SC5D: variants seen among roughly 807,000 people sequenced by gnomAD.
SC5D encodes lathosterol oxidase.
A neutral mutation model predicts 23.9 loss-of-function variants in SC5D; 21 were observed. The observed-to-expected ratio is 0.88, with a 90% CI of 0.62 to 1.26. The LOEUF (loss-of-function observed/expected upper bound fraction) is 1.26. Ranked by LOEUF, SC5D falls within the 50% of genes most tolerant of loss-of-function variation. The pLI is 0.00. For synonymous variants in SC5D, 113 were observed against 125.9 expected (o/e 0.90, Z 0.68); for missense variants, 309 against 364.8 (o/e 0.85, Z 1.25).
At position 121,312,088 on chromosome 11, in the gene SC5D, T is replaced by A. The variant is rs183742147; in HGVS notation, c.*4576T>A. 8.5e-5 allele frequency among the ~76,000 whole-genome samples: 13 copies of A among 152,310 alleles called. No homozygotes were observed. In the East Asian group the frequency reaches 2.5e-3, roughly 29 times the overall value. ...AATTTCATTTAAAAAATGCATCACT[T>A]TGTGTGTTTTTATATTGCTAAAACC... On this transcript the variant is annotated 3_prime_UTR_variant, in exon 5 of 5. Transcript: ENST00000264027.
rs919724036 is a variant in SC5D at position 121,308,185 on chromosome 11, A to G, written c.*673A>G. The G allele has an allele frequency of 8.5e-5, 13 of 152,248 alleles. No homozygotes were observed. Among genetic ancestry groups the G allele is most frequent in the Admixed American group, 7.2e-4 (11 of 15,276 alleles). The allele number at this position is 152,248 out of a possible 1,614,324, so 9.4% of individuals were successfully genotyped here. ...AACAAATAAATTGGAATTTAAAAATATCGATATCACCATGATTTAATCCAG... is the reference window on the plus strand; with the variant it reads ...AACAAATAAATTGGAATTTAAAAATGTCGATATCACCATGATTTAATCCAG... On this transcript the variant is annotated 3_prime_UTR_variant, in exon 5 of 5. Transcript: ENST00000264027.
At position 121,308,330 on chromosome 11, in the gene SC5D, A is replaced by G. The variant is rs188603775; in HGVS notation, c.*818A>G. 6.6e-6 allele frequency: 1 copy of G among 152,244 alleles called. No individual in the cohort carries two copies. The highest frequency in any genetic ancestry group is 1.5e-5 in the Non-Finnish European group (1 of 68,030). 9.4% of individuals were successfully genotyped at this position (152,244 alleles called of 1,614,324 possible). A position where few individuals can be genotyped will look rare whatever the true frequency, so the allele number is the denominator to read the frequency against. ...AAGAAATTTGATGCCCAGATAATAT[A>G]TTAGGCACTACTGATTTTTTAGTTA... On this transcript the variant is annotated 3_prime_UTR_variant, in exon 5 of 5. Coordinates refer to ENST00000264027, the MANE Select transcript of SC5D (RefSeq NM_006918.5).
At chr11:121,303,665 G>T (rs897687424) in intron 2 of SC5D, 80 bp downstream of exon 2, 10 of 1,193,346 alleles carry the variant, frequency 8.4e-6, no homozygotes, top group Admixed American at 6.2e-5. Context: ...TTTAGATTAA[G>T]CTGATTATAT....
intron 1 of SC5D, among the ~76,000 whole-genome samples, chr11:121,298,640 T>C (rs1762796382): frequency 1.3e-5 from 2 of 152,226 alleles, no homozygotes; most frequent in Non-Finnish European, 2.9e-5. Context: ...TGCTGAACAT[T>C]AATCCTGATG....
chr11:121,300,694 G>C (rs1947920226), intron 1 of SC5D, among the ~76,000 whole-genome samples: 1 of 152,160 alleles, frequency 6.6e-6, no homozygotes, highest in African/African-American at 2.4e-5. Flanking sequence ...CCATGAGCAG[G>C]GCTGTTGCAC....
At chr11:121,296,237 A>G (rs776394579) in intron 1 of SC5D, among the ~76,000 whole-genome samples, 4 of 152,166 alleles carry the variant, frequency 2.6e-5, no homozygotes, top group Non-Finnish European at 4.4e-5. Flanking sequence ...TTTCCTACCT[A>G]GAAATCTTTA....
intron 2 of SC5D, 134 bp downstream of exon 2, chr11:121,303,719 A>G (rs1947942458): frequency 1.5e-6 from 1 of 667,920 alleles, no homozygotes; most frequent in East Asian, 2.7e-5. Context: ...CAAATGGGTT[A>G]GATATTTTCA....
Position 121,307,470 on chromosome 11 carries a change from G to C in SC5D, c.858G>C (p.Lys286Asn), listed in dbSNP as rs1230188994. ...KRSSHSGNGCKNEKLFNGEFT... is the reference protein window; with the variant it reads ...KRSSHSGNGCNNEKLFNGEFT... ...GCAGCCATTCAGGAAATGGCTGTAA[G>C]AATGAAAAATTATTCAATGGAGAGT... The change falls in exon 5 of 5, where the codon AAG becomes AAC. Residue 286 changes from lysine to asparagine, a missense_variant. Physicochemically the swap from Lys to Asn is moderately conservative, Grantham distance 94 (BLOSUM62 0). Transcript: ENST00000264027. 1 of 1,607,370 alleles carries C rather than the reference G, an allele frequency of 6.2e-7. No individual in the cohort carries two copies. Among genetic ancestry groups the C allele is most frequent in the East Asian group, 2.2e-5 (1 of 44,878 alleles).
chr11:121,304,232 A>G (rs1947945872), intron 2 of SC5D, 129 bp from the exon 3 acceptor site: 2 of 758,040 alleles, frequency 2.6e-6, no homozygotes, highest in African/African-American at 3.5e-5. Flanking sequence ...TAAAATTTTA[A>G]TAGAAACAGT....
rs1227813074 is a variant in SC5D, at chr11:121,310,256, G to T, written c.*2744G>T. 6.6e-6 allele frequency among the ~76,000 whole-genome samples: 1 copy of T among 152,132 alleles called. No individual in the cohort carries two copies. The highest frequency in any genetic ancestry group is 1.5e-5 in the Non-Finnish European group (1 of 67,994). ...ATGAGATTGTCACAGCATGAAAAAAGATATTCAAAGACACTAACCAACTTG... is the reference window on the plus strand; with the variant it reads ...ATGAGATTGTCACAGCATGAAAAAATATATTCAAAGACACTAACCAACTTG... On this transcript the variant is annotated 3_prime_UTR_variant, in exon 5 of 5. Transcript: ENST00000264027.
Position 121,304,477 on chromosome 11 carries a change from A to T in SC5D, c.327A>T (p.Leu109=), listed in dbSNP as rs373118996. 17 of 1,613,608 alleles carry T rather than the reference A, an allele frequency of 1.1e-5. No homozygotes were observed. Among genetic ancestry groups the T allele is most frequent in the African/African-American group, 8.0e-5 (6 of 75,010 alleles). ...IRGYSKLHDD[L]GEFPYGLFEL... is the part of the protein sequence containing the mutation. ...GTTACAGCAAATTACATGATGACCT[A>T]GGAGAGTTTCCATATGGTAAGTAAA... The change falls in exon 3 of 5, where the codon CTA becomes CTT. Residue 109 remains leucine (L), a synonymous_variant. Coordinates refer to ENST00000264027, the MANE Select transcript of SC5D (RefSeq NM_006918.5).
intron 4 of SC5D, 94 bp from the exon 5 acceptor site, chr11:121,306,963 T>C (rs1947970316): frequency 9.7e-7 from 1 of 1,033,806 alleles, no homozygotes; most frequent in African/African-American, 1.6e-5. Flanking sequence ...TCTACAGGAT[T>C]TGTTAGGTTG....
chr11:121,300,819 A>G (rs1314094642), intron 1 of SC5D, among the ~76,000 whole-genome samples: 1 of 152,242 alleles, frequency 6.6e-6, no homozygotes, highest in East Asian at 1.9e-4. Flanking sequence ...TATTGAAAGC[A>G]TGGCCCAACA....
intron 1 of SC5D, among the ~76,000 whole-genome samples, chr11:121,294,551 T>C (rs2134261194): frequency 6.6e-6 from 1 of 152,234 alleles, no homozygotes; most frequent in East Asian, 1.9e-4. Flanking sequence ...ATATTTATAT[T>C]ACCTAGTATA....
intron 1 of SC5D, among the ~76,000 whole-genome samples, chr11:121,301,248 A>G (rs907830964): frequency 3.4e-4 from 52 of 152,192 alleles, no homozygotes; most frequent in African/African-American, 1.2e-3. Context: ...ACTAACTAAA[A>G]GGAAGTATTA....
In SC5D at chr11:121,312,641, T is replaced by A. The variant is rs746308447; in HGVS notation, c.*5129T>A. 2.9e-4 allele frequency among the ~76,000 whole-genome samples: 44 copies of A among 152,162 alleles called. No individual in the cohort carries two copies. Among genetic ancestry groups the A allele is most frequent in the Admixed American group, 9.8e-4 (15 of 15,280 alleles). Reference sequence around the variant, plus strand: ...CACTCATACCATAGGCTTTTATTCATTTCTTGAATAATTTTGTTATATCTT... The same window carrying A: ...CACTCATACCATAGGCTTTTATTCAATTCTTGAATAATTTTGTTATATCTT... On this transcript the variant is annotated 3_prime_UTR_variant, in exon 5 of 5. Transcript: ENST00000264027.
rs989010555 is a variant in SC5D, at chr11:121,303,396, T to A, written c.21T>A (p.Val7=). 1.2e-6 allele frequency: 2 copies of A among 1,614,028 alleles called. No homozygotes were observed. Among genetic ancestry groups the A allele is most frequent in the African/African-American group, 2.7e-5 (2 of 75,040 alleles). Residue 7 remains valine, a synonymous_variant, in exon 2 of 5, where the codon GTT becomes GTA. Coordinates refer to ENST00000264027, the MANE Select transcript of SC5D (RefSeq NM_006918.5). The stretch of plus-strand genomic sequence containing the variant: ...AAGTGATGGATCTTGTACTCCGTGT[T>A]GCAGATTACTATTTTTTTACACCAT... The part of the protein sequence containing the change: MDLVLR[V]ADYYFFTPYV...
In SC5D at chr11:121,307,401, G is replaced by A. The variant is rs1437269487; in HGVS notation, c.789G>A (p.Lys263=). ...SFKNPSSFEG[K]GPLSYVKEMT... ...AAAATCCTTCATCCTTTGAGGGGAAGGGACCGCTCAGTTATGTGAAGGAGA... is the reference window on the plus strand; with the variant it reads ...AAAATCCTTCATCCTTTGAGGGGAAAGGACCGCTCAGTTATGTGAAGGAGA... The change falls in exon 5 of 5, where the codon AAG becomes AAA. Residue 263 remains lysine, a synonymous_variant. Transcript: ENST00000264027. 1 of 1,613,386 alleles carries A rather than the reference G, an allele frequency of 6.2e-7. No individual in the cohort carries two copies. The highest frequency in any genetic ancestry group is 1.1e-5 in the South Asian group (1 of 91,060).
At chr11:121,297,040 A>G (rs1299463622) in intron 1 of SC5D, among the ~76,000 whole-genome samples, 2 of 152,244 alleles carry the variant, frequency 1.3e-5, no homozygotes, top group South Asian at 2.1e-4. Context: ...CAAATTAAGT[A>G]TACCCGAGAT....
Sources: allele counts gnomAD v4.1 joint callset (sites outside exome capture counted in the v4.1 genomes callset), GRCh38; gene constraint gnomAD v4.1.1; transcripts MANE v1.5; gene names NCBI Gene and HGNC (gene_info 2026-07-23, HGNC 2026-07-21).